MFSD2B: variants seen among roughly 807,000 people sequenced by gnomAD.
The protein encoded by MFSD2B is MFSD2 lysolipid transporter B, sphingolipid, also known as sphingosine-1-phosphate transporter MFSD2B.
In MFSD2B, 56 loss-of-function variants were observed where a neutral mutation model predicts 58.4. That is an observed-to-expected ratio of 0.96 (90% CI 0.77 to 1.20). The LOEUF (loss-of-function observed/expected upper bound fraction) is 1.20. Among genes scored for constraint, MFSD2B ranks in the 50% most tolerant of loss-of-function variants. MFSD2B has a pLI of 0.00. For missense variants in MFSD2B, 645 were observed against 667.6 expected (o/e 0.97, Z 0.37); for synonymous variants, 287 against 294.4 (o/e 0.97, Z 0.26).
At position 24,020,477 on chromosome 2, in the gene MFSD2B, C is replaced by T. The variant is rs915471249; in HGVS notation, c.682-1171C>T. 6.6e-6 allele frequency among the ~76,000 whole-genome samples: 1 copy of T among 152,114 alleles called. No individual in the cohort carries two copies. Among genetic ancestry groups the T allele is most frequent in the Admixed American group, 6.5e-5 (1 of 15,274 alleles). On this transcript the variant is annotated intron_variant, in intron 6 of 13. Coordinates refer to ENST00000338315, the MANE Select transcript of MFSD2B (RefSeq NM_001346880.2). This position sits in a 1 kb window ranked among gnomAD's most constrained non-coding sequence, Gnocchi z 4.1. ...CCCTCCCCAGAGGCAGCCTCTGTCC[C>T]GAACTGGCTGTGACTCTCGTGCATG...
chr2:24,025,986 G>A lies in MFSD2B; in HGVS notation c.*530G>A, dbSNP rs1046319380. On this transcript the variant is annotated 3_prime_UTR_variant, in exon 14 of 14. Coordinates refer to ENST00000338315, the MANE Select transcript of MFSD2B (RefSeq NM_001346880.2). The stretch of plus-strand genomic sequence containing the variant: ...ATCCGCCCCGCCTCAGCCTCCCAAA[G>A]GCATGAGCCACCGTACTCGGCCTGC... 6.5e-6 allele frequency: 1 copy of A among 153,490 alleles called. No individual in the cohort carries two copies. 9.5% of individuals were successfully genotyped at this position (153,490 alleles called of 1,614,324 possible). A position where few individuals can be genotyped will look rare whatever the true frequency, so the allele number is the denominator to read the frequency against.
At chr2:24,025,288 C>A in intron 13 of MFSD2B, 144 bp from the exon 14 acceptor site, 2 of 716,382 alleles carry the variant, frequency 2.8e-6, no homozygotes, top group Non-Finnish European at 4.9e-6. Flanking sequence ...TGTAGCTCAT[C>A]TACAGGACTT....
intron 2 of MFSD2B, among the ~76,000 whole-genome samples, chr2:24,014,112 A>G (rs1709057225): frequency 6.6e-6 from 1 of 151,774 alleles, no homozygotes; most frequent in Non-Finnish European, 1.5e-5. Flanking sequence ...TCCCGGGTTT[A>G]GCAATTCTCC....
Position 24,023,303 on chromosome 2 carries a change from GC to G in MFSD2B, c.1169+66del, listed in dbSNP as rs1207748967. 3 of 1,367,390 alleles carry G rather than the reference GC, an allele frequency of 2.2e-6. No individual in the cohort carries two copies. The African/African-American group carries it at 4.3e-5, about 19-fold the overall frequency. The allele number at this position is 1,367,390 out of a possible 1,614,324, so 84.7% of individuals were successfully genotyped here. On this transcript the variant is annotated intron_variant, in intron 11 of 13. Coordinates refer to ENST00000338315, the MANE Select transcript of MFSD2B (RefSeq NM_001346880.2). This position sits in a 1 kb window ranked among gnomAD's most constrained non-coding sequence, Gnocchi z 5.0. ...GGTGTCACCTCCTTCATGTAAACCT[GC>G]CGTCCCAGGCCCCCTGCACCCAGCC... is the stretch of plus-strand genomic sequence containing the variant.
In MFSD2B at chr2:24,024,588, T is replaced by C. The variant is rs987337897; in HGVS notation, c.1490+317T>C. 9.2e-5 allele frequency among the ~76,000 whole-genome samples: 14 copies of C among 152,120 alleles called. No homozygotes were observed. The highest frequency in any genetic ancestry group is 2.7e-4 in the African/African-American group (11 of 41,426). On this transcript the variant is annotated intron_variant, in intron 13 of 13. Transcript: ENST00000338315. The surrounding 1 kb of genome is among the most constrained non-coding windows in gnomAD (Gnocchi z 4.3). ...ACCCAACTCAGGCACTCCTTGTGCC[T>C]GGTGACTGCTAGAGCTGCCCCTCCA...
At chr2:24,025,143 GC>G (rs1430447191) in intron 13 of MFSD2B, among the ~76,000 whole-genome samples, 1 of 152,190 alleles carries the variant, frequency 6.6e-6, no homozygotes, top group Non-Finnish European at 1.5e-5. Flanking sequence ...GCAGTGGGTG[GC>G]CTTGTCATCA....
intron 1 of MFSD2B, among the ~76,000 whole-genome samples, chr2:24,010,515 C>T (rs992125333): frequency 6.6e-6 from 1 of 152,176 alleles, no homozygotes; most frequent in African/African-American, 2.4e-5. Flanking sequence ...TCTGGGCAGG[C>T]AGGGCTTTCT....
intron 6 of MFSD2B, among the ~76,000 whole-genome samples, chr2:24,019,579 C>T (rs1662679622): frequency 1.3e-5 from 2 of 151,994 alleles, no homozygotes; most frequent in South Asian, 4.1e-4. Flanking sequence ...AAAAATTAGC[C>T]GGGCATGGTG....
chr2:24,025,059 G>A (rs1033417468), intron 13 of MFSD2B, among the ~76,000 whole-genome samples: 4 of 152,216 alleles, frequency 2.6e-5, no homozygotes, highest in African/African-American at 9.6e-5. Flanking sequence ...TCCAGCAGAC[G>A]TGCACAAGCA....
intron 2 of MFSD2B, 56 bp from the exon 3 acceptor site, chr2:24,016,100 G>A: frequency 3.7e-6 from 6 of 1,606,920 alleles, no homozygotes; most frequent in South Asian, 1.1e-5. Flanking sequence ...AGGCCTGGAT[G>A]GGCTCTCTGC....
Position 24,012,980 on chromosome 2 carries a change from T to C in MFSD2B, c.97-305T>C. 1 of 261,418 alleles carries C rather than the reference T, an allele frequency of 3.8e-6. No individual in the cohort carries two copies. Among genetic ancestry groups the C allele is most frequent in the Non-Finnish European group, 7.2e-6 (1 of 138,230 alleles). The allele number at this position is 261,418 out of a possible 1,614,324, so 16.2% of individuals were successfully genotyped here. On this transcript the variant is annotated intron_variant, in intron 1 of 13. Coordinates refer to ENST00000338315, the MANE Select transcript of MFSD2B (RefSeq NM_001346880.2). This position sits in a 1 kb window ranked among gnomAD's most constrained non-coding sequence, Gnocchi z 4.5. ...TGACAAAGGCAGGCTCAAGCCCAGGTCTCCTGACCTGCAGCTTACACGGCC... is the reference window on the plus strand; with the variant it reads ...TGACAAAGGCAGGCTCAAGCCCAGGCCTCCTGACCTGCAGCTTACACGGCC...
Position 24,017,846 on chromosome 2 carries a change from A to C in MFSD2B, c.681+258A>C, listed in dbSNP as rs753192637. On this transcript the variant is annotated intron_variant, in intron 6 of 13. Transcript: ENST00000338315. This position sits in a 1 kb window ranked among gnomAD's most constrained non-coding sequence, Gnocchi z 4.8. ...CTGGGCCAGCCACCTGGAGCAGAGG[A>C]GGCCAGCCCCAGAGGAGGGGCGAGG... Among the ~76,000 whole-genome samples, 3 of 152,166 alleles carry C rather than the reference A, an allele frequency of 2.0e-5. No individual in the cohort carries two copies. The highest frequency in any genetic ancestry group is 4.4e-5 in the Non-Finnish European group (3 of 68,018).
At position 24,026,229 on chromosome 2, in the gene MFSD2B, A is replaced by T. The variant is rs1337599764; in HGVS notation, c.*773A>T. The T allele has an allele frequency of 6.6e-6, 1 of 152,286 alleles. No homozygotes were observed. The highest frequency in any genetic ancestry group is 1.5e-5 in the Non-Finnish European group (1 of 68,068). 9.4% of individuals were successfully genotyped at this position (152,286 alleles called of 1,614,324 possible). On this transcript the variant is annotated 3_prime_UTR_variant, in exon 14 of 14. Coordinates refer to ENST00000338315, the MANE Select transcript of MFSD2B (RefSeq NM_001346880.2). ...GTTTTCAAAACAAGCGTAACTGAAC[A>T]GAGTATATATATGTATGTATATAAA...
At chr2:24,018,055 C>G (rs993032829) in intron 6 of MFSD2B, among the ~76,000 whole-genome samples, 6 of 152,154 alleles carry the variant, frequency 3.9e-5, no homozygotes, top group African/African-American at 1.4e-4. Flanking sequence ...TTCCCTTTCA[C>G]GGCGGGTCCC....
chr2:24,017,845 G>A lies in MFSD2B; in HGVS notation c.681+257G>A, dbSNP rs1050263235. 1.6e-4 allele frequency among the ~76,000 whole-genome samples: 25 copies of A among 152,186 alleles called. No individual in the cohort carries two copies. The highest frequency in any genetic ancestry group is 5.5e-4 in the African/African-American group (23 of 41,446). On this transcript the variant is annotated intron_variant, in intron 6 of 13. Transcript: ENST00000338315. The surrounding 1 kb of genome is among the most constrained non-coding windows in gnomAD (Gnocchi z 4.8). ...ACTGGGCCAGCCACCTGGAGCAGAG[G>A]AGGCCAGCCCCAGAGGAGGGGCGAG...
Position 24,022,427 on chromosome 2 carries a change from C to G in MFSD2B, c.895-6C>G. On this transcript the variant is annotated splice_polypyrimidine_tract_variant and splice_region_variant and intron_variant, in intron 8 of 13. Coordinates refer to ENST00000338315, the MANE Select transcript of MFSD2B (RefSeq NM_001346880.2). The surrounding 1 kb of genome is among the most constrained non-coding windows in gnomAD (Gnocchi z 4.5). ...GCACATACCCACTTCCTGTCCATCT[C>G]CTCAGGTGGAGCAGAGCTACCTGGT... 2 of 1,611,688 alleles carry G rather than the reference C, an allele frequency of 1.2e-6. No homozygotes were observed. Among genetic ancestry groups the G allele is most frequent in the Non-Finnish European group, 1.7e-6 (2 of 1,178,822 alleles).
At position 24,013,393 on chromosome 2, in the gene MFSD2B, CT is replaced by C. The variant is rs774077839; in HGVS notation, c.206del (p.Leu69ArgfsTer4). 5 of 1,608,538 alleles carry C rather than the reference CT, an allele frequency of 3.1e-6. No individual in the cohort carries two copies. In the Admixed American group the frequency reaches 8.4e-5, roughly 27 times the overall value. On this transcript the variant is annotated frameshift_variant, in exon 2 of 14. Transcript: ENST00000338315. LOFTEE classifies it high-confidence loss of function. ...CACAGCCTTTTACCTGCAGCTTTTC[CT>C]GCTTGATATAGCACAGGTAAGTGTG... The part of the protein sequence containing the change: ...SATAFYLQLF[L>X]LDIAQIPAAQ...
At chr2:24,014,234 G>A (rs1709061045) in intron 2 of MFSD2B, among the ~76,000 whole-genome samples, 1 of 152,066 alleles carries the variant, frequency 6.6e-6, no homozygotes, top group Non-Finnish European at 1.5e-5. Flanking sequence ...GGCTGGTCTT[G>A]AACTCCTGAC....
At position 24,024,744 on chromosome 2, in the gene MFSD2B, C is replaced by T. The variant is rs1185812390; in HGVS notation, c.1490+473C>T. ...CTCATCTTGTCCCCCTAACTGGCTC[C>T]TCCTTCTGTGTCCCTGTCTTGGTGA... On this transcript the variant is annotated intron_variant, in intron 13 of 13. Transcript: ENST00000338315. The surrounding 1 kb of genome is among the most constrained non-coding windows in gnomAD (Gnocchi z 4.3). Among the ~76,000 whole-genome samples, 2 of 152,148 alleles carry T rather than the reference C, an allele frequency of 1.3e-5. No homozygotes were observed. The highest frequency in any genetic ancestry group is 4.8e-5 in the African/African-American group (2 of 41,444).
Sources: allele counts gnomAD v4.1 joint callset (sites outside exome capture counted in the v4.1 genomes callset), GRCh38; gene constraint gnomAD v4.1.1; non-coding constraint Gnocchi (gnomAD v3.1); transcripts MANE v1.5; gene names NCBI Gene and HGNC (gene_info 2026-07-23, HGNC 2026-07-21).